The following TRAPPC9 variants were observed in gnomAD, a reference collection of about 807,000 sequenced individuals.
TRAPPC9 encodes the protein trafficking protein particle complex subunit 9, also known as IKK2 binding protein.
In TRAPPC9, 83 loss-of-function variants were observed where a neutral mutation model predicts 124.0. That is an observed-to-expected ratio of 0.67 (90% confidence interval 0.56 to 0.80). The LOEUF is 0.80. TRAPPC9 is among the 30% of genes least tolerant of loss of function. The pLI, the probability that TRAPPC9 is intolerant of heterozygous loss-of-function variation, is 0.00. For missense variants in TRAPPC9, 1,302 were observed against 1,508.3 expected (o/e 0.86, Z 2.27); for synonymous variants, 638 against 617.5 (o/e 1.03, Z -0.49).
chr8:139,871,363 T>C (rs1828888659), intron 21 of TRAPPC9, among the ~76,000 whole-genome samples: 1 of 152,194 alleles, frequency 6.6e-6, no homozygotes, highest in African/African-American at 2.4e-5. Flanking sequence ...CTTCTTTCCT[T>C]AGCTTGTTTT....
At position 139,732,149 on chromosome 8, in the gene TRAPPC9, C is replaced by A; in HGVS notation, c.3109G>T (p.Val1037Leu). ...ACCTCCAGGCGCACGGGGTCGCCCA[C>A]CTGGCAGGCCGCCACAGCCTCGCGG... is the stretch of plus-strand genomic sequence containing the variant. ...CDREAVAACQVGDPVRLEVRL... is the reference protein window; with the variant it reads ...CDREAVAACQLGDPVRLEVRL... The change falls in exon 22 of 23, where the codon GTG becomes TTG. Residue 1037 changes from valine to leucine, a missense_variant. Transcript: ENST00000438773. 2 of 1,604,002 alleles carry A rather than the reference C, an allele frequency of 1.2e-6. No individual in the cohort carries two copies. Among genetic ancestry groups the A allele is most frequent in the South Asian group, 2.2e-5 (2 of 90,052 alleles).
chr8:140,135,627 T>C (rs773976467), intron 17 of TRAPPC9, among the ~76,000 whole-genome samples: 3 of 152,154 alleles, frequency 2.0e-5, no homozygotes, highest in Non-Finnish European at 4.4e-5. Flanking sequence ...TACCAGGTGC[T>C]AGGAGTATGG....
chr8:140,066,796 A>T (rs2129718911), intron 17 of TRAPPC9, among the ~76,000 whole-genome samples: 1 of 152,348 alleles, frequency 6.6e-6, no homozygotes, highest in East Asian at 1.9e-4. Context: ...GCACCAAAGG[A>T]TGGGCACCCT....
chr8:140,337,370 A>G (rs184715889), intron 9 of TRAPPC9, among the ~76,000 whole-genome samples: 9 of 152,290 alleles, frequency 5.9e-5, no homozygotes, highest in Non-Finnish European at 8.8e-5. Flanking sequence ...CTGTTCCTCT[A>G]CATCCAGAAG....
At chr8:140,108,234 T>C (rs541591381) in intron 17 of TRAPPC9, among the ~76,000 whole-genome samples, 17 of 152,298 alleles carry the variant, frequency 1.1e-4, no homozygotes, top group Admixed American at 7.8e-4. Context: ...CTCTTAGTTA[T>C]TTGGAAAACC....
chr8:140,329,075 C>A (rs1371938476), intron 9 of TRAPPC9, among the ~76,000 whole-genome samples: 1 of 152,064 alleles, frequency 6.6e-6, no homozygotes, highest in Non-Finnish European at 1.5e-5. Context: ...AAGCGGACCC[C>A]TGAGCACCAT....
At chr8:140,168,200 T>C (rs1327083556) in intron 17 of TRAPPC9, among the ~76,000 whole-genome samples, 1 of 152,238 alleles carries the variant, frequency 6.6e-6, no homozygotes, top group Non-Finnish European at 1.5e-5. Context: ...TCACGTACTT[T>C]GATCATTTCA....
intron 15 of TRAPPC9, among the ~76,000 whole-genome samples, chr8:140,274,201 A>G (rs1340657865): frequency 6.6e-6 from 1 of 152,048 alleles, no homozygotes; most frequent in Non-Finnish European, 1.5e-5. Flanking sequence ...TTGTGTGACT[A>G]GCACTGAAAG....
intron 16 of TRAPPC9, among the ~76,000 whole-genome samples, chr8:140,225,242 G>T (rs2063420730): frequency 6.6e-6 from 1 of 152,186 alleles, no homozygotes; most frequent in African/African-American, 2.4e-5. Flanking sequence ...CATAGTAGCT[G>T]ATGCAGGCTC....
At chr8:139,921,740 G>T (rs1348205607) in intron 19 of TRAPPC9, among the ~76,000 whole-genome samples, 2 of 149,278 alleles carry the variant, frequency 1.3e-5, no homozygotes, top group African/African-American at 4.9e-5. Flanking sequence ...GGGGCCGGGG[G>T]AGGGACACAG....
chr8:139,894,511 G>A (rs949564825), intron 20 of TRAPPC9, among the ~76,000 whole-genome samples: 12 of 152,172 alleles, frequency 7.9e-5, no homozygotes, highest in South Asian at 2.1e-4. Context: ...CATCCCCTGC[G>A]GAGTGTGAGG....
chr8:140,428,866 C>T (rs1295045471), intron 4 of TRAPPC9, among the ~76,000 whole-genome samples: 2 of 152,134 alleles, frequency 1.3e-5, no homozygotes, highest in East Asian at 1.9e-4. Flanking sequence ...TAATGCAAAC[C>T]GCAGTGCACT....
rs556905687 is a variant in TRAPPC9 at position 140,045,391 on chromosome 8, C to T, written c.2557-21312G>A. Among the ~76,000 whole-genome samples the T allele has an allele frequency of 5.3e-3, 806 of 152,074 alleles. 5 individuals are homozygous for T. The highest frequency in any genetic ancestry group is 5.8e-3 in the Non-Finnish European group (392 of 67,980). ...CTGTAATCCCAGCACTTTGGGAGACCGAGGCGGGTGGATCACCTGAGGTCA... is the reference window on the plus strand; with the variant it reads ...CTGTAATCCCAGCACTTTGGGAGACTGAGGCGGGTGGATCACCTGAGGTCA... On this transcript the variant is annotated intron_variant, in intron 17 of 22. Coordinates refer to ENST00000438773, the MANE Select transcript of TRAPPC9 (RefSeq NM_001160372.4).
At chr8:139,806,780 G>T (rs536897819) in intron 21 of TRAPPC9, among the ~76,000 whole-genome samples, 1 of 152,348 alleles carries the variant, frequency 6.6e-6, no homozygotes, top group Non-Finnish European at 1.5e-5. Flanking sequence ...CAGGCCCTTT[G>T]CATCAAAGCT....
At chr8:140,012,972 G>T (rs1440970270) in intron 18 of TRAPPC9, among the ~76,000 whole-genome samples, 3 of 152,150 alleles carry the variant, frequency 2.0e-5, no homozygotes, top group Non-Finnish European at 4.4e-5. Context: ...CACTTAGTGT[G>T]TGCTCAATAA....
chr8:139,874,207 T>C (rs1829177159), intron 21 of TRAPPC9, among the ~76,000 whole-genome samples: 1 of 152,244 alleles, frequency 6.6e-6, no homozygotes. Flanking sequence ...TAAGGGACTG[T>C]CTCAGTGCAT....
At position 139,784,608 on chromosome 8, in the gene TRAPPC9, CATATATATATATAT is replaced by C. The variant is rs34583867; in HGVS notation, c.3056-52420_3056-52407del. Among the ~76,000 whole-genome samples the C allele has an allele frequency of 8.7e-3, 774 of 88,662 alleles. 23 individuals are homozygous for C. Among genetic ancestry groups the C allele is most frequent in the African/African-American group, 0.026 (658 of 24,940 alleles). The allele number at this position is 88,662 out of a possible 152,430, so 58.2% of individuals were successfully genotyped here. A position where few individuals can be genotyped will look rare whatever the true frequency, so the allele number is the denominator to read the frequency against. On this transcript the variant is annotated intron_variant, in intron 21 of 22. Transcript: ENST00000438773. ...AATAAATAAATAAATAAAAGACTGA[CATATATATATATAT>C]ATATATATATATATATATATATAAA...
intron 18 of TRAPPC9, among the ~76,000 whole-genome samples, chr8:139,993,692 C>G (rs1837784162): frequency 6.6e-6 from 1 of 152,122 alleles, no homozygotes; most frequent in Non-Finnish European, 1.5e-5. Flanking sequence ...TGATGGAAAC[C>G]TATGCAGAGG....
At chr8:139,988,469 C>T (rs1321312119) in intron 19 of TRAPPC9, among the ~76,000 whole-genome samples, 1 of 152,104 alleles carries the variant, frequency 6.6e-6, no homozygotes, top group Non-Finnish European at 1.5e-5. Flanking sequence ...CTGCTGGGTC[C>T]TCAAATGTGG....
Sources: allele counts gnomAD v4.1 joint callset (sites outside exome capture counted in the v4.1 genomes callset), GRCh38; gene constraint gnomAD v4.1.1; transcripts MANE v1.5; gene names NCBI Gene and HGNC (gene_info 2026-07-23, HGNC 2026-07-21).